Variants in AGBL1 observed in about 807,000 individuals in gnomAD.
AGBL1 encodes cytosolic carboxypeptidase 4.
In AGBL1, 130 loss-of-function variants were observed where a neutral mutation model predicts 118.9. That is an observed-to-expected ratio of 1.09 (90% CI 0.95 to 1.26). AGBL1 has a LOEUF of 1.26. AGBL1 is among the 50% of genes most tolerant of loss of function. AGBL1 has a pLI of 0.00. For synonymous variants in AGBL1, 555 were observed against 478.9 expected (o/e 1.16, Z -2.08); for missense variants, 1,584 against 1,298.1 (o/e 1.22, Z -3.38).
chr15:86,723,919 G>C (rs984904988), intron 22 of AGBL1, among the ~76,000 whole-genome samples: 1 of 152,020 alleles, frequency 6.6e-6, no homozygotes, highest in Admixed American at 6.6e-5. Flanking sequence ...GAGATTATGA[G>C]GGAGTAAGAT....
intron 22 of AGBL1, among the ~76,000 whole-genome samples, chr15:86,809,784 G>A (rs1456768900): frequency 2.0e-5 from 3 of 152,088 alleles, no homozygotes; most frequent in African/African-American, 4.8e-5. Context: ...TAGATCACAC[G>A]TTTTCAATGT....
chr15:86,202,547 T>C (rs2077924182), intron 5 of AGBL1, among the ~76,000 whole-genome samples: 1 of 152,218 alleles, frequency 6.6e-6, no homozygotes, highest in African/African-American at 2.4e-5. Flanking sequence ...AATAAGGACC[T>C]TGACATTGCA....
rs10531800 is a variant in AGBL1 at position 86,236,343 on chromosome 15, C to CT, written c.527-11309dup. Among the ~76,000 whole-genome samples the CT allele has an allele frequency of 4.5e-3, 650 of 143,658 alleles. 2 individuals are homozygous for CT. The highest frequency in any genetic ancestry group is 0.014 in the African/African-American group (546 of 38,942). The allele number at this position is 143,658 out of a possible 152,430, so 94.2% of individuals were successfully genotyped here. On this transcript the variant is annotated intron_variant, in intron 6 of 22. Coordinates refer to ENST00000614907, the MANE Select transcript of AGBL1 (RefSeq NM_001386094.1). ...TTCCAGATGTCCCTGGAAACTACTA[C>CT]TTTTTTTTTTTTTTTTTTTCCAGTA...
At chr15:86,291,637 A>T (rs1370984998) in intron 16 of AGBL1, among the ~76,000 whole-genome samples, 1 of 152,194 alleles carries the variant, frequency 6.6e-6, no homozygotes. Flanking sequence ...GTAACTCCTC[A>T]CTATGGAATT....
At chr15:86,828,497 T>G (rs2079062383) in intron 22 of AGBL1, among the ~76,000 whole-genome samples, 1 of 152,204 alleles carries the variant, frequency 6.6e-6, no homozygotes, top group South Asian at 2.1e-4. Flanking sequence ...AAGAAAGCAC[T>G]GTGGTGACAG....
intron 23 of AGBL1, among the ~76,000 whole-genome samples, chr15:86,959,837 C>T (rs973037570): frequency 6.6e-6 from 1 of 152,026 alleles, no homozygotes; most frequent in Non-Finnish European, 1.5e-5. Context: ...CTCTCCACTT[C>T]TCTATTTCCA....
intron 21 of AGBL1, among the ~76,000 whole-genome samples, chr15:86,638,950 C>A (rs915824535): frequency 6.6e-6 from 1 of 152,048 alleles, no homozygotes; most frequent in Non-Finnish European, 1.5e-5. Flanking sequence ...GAGTTCTCTC[C>A]GTGCTGGTAG....
At position 86,210,174 on chromosome 15, in the gene AGBL1, C is replaced by T. The variant is rs539568095; in HGVS notation, c.489-14740C>T. 8.1e-3 allele frequency among the ~76,000 whole-genome samples: 1,240 copies of T among 152,282 alleles called. 14 individuals are homozygous for T. The highest frequency in any genetic ancestry group is 0.028 in the African/African-American group (1,180 of 41,544). On this transcript the variant is annotated intron_variant, in intron 5 of 22. Coordinates refer to ENST00000614907, the MANE Select transcript of AGBL1 (RefSeq NM_001386094.1). ...CTCTTCTGGCTTGTAGAGTTTCTGC[C>T]AGGAGATCCGCTGTTAGTCTGATGG...
intron 17 of AGBL1, among the ~76,000 whole-genome samples, chr15:86,306,201 C>T (rs1462928197): frequency 6.6e-6 from 1 of 152,036 alleles, no homozygotes; most frequent in Admixed American, 6.6e-5. Flanking sequence ...TCAAAATATA[C>T]AATTAAGTTA....
intron 23 of AGBL1, among the ~76,000 whole-genome samples, chr15:86,974,806 A>G (rs2081156591): frequency 6.6e-6 from 1 of 151,618 alleles, no homozygotes; most frequent in South Asian, 2.1e-4. Flanking sequence ...TTAGTTGGGG[A>G]TATGGTGGAA....
intron 17 of AGBL1, among the ~76,000 whole-genome samples, chr15:86,391,254 C>T (rs1030993650): frequency 1.3e-5 from 2 of 151,926 alleles, no homozygotes; most frequent in Admixed American, 6.6e-5. Context: ...ATAGAAACAT[C>T]TTTTAATATT....
At position 86,367,631 on chromosome 15, in the gene AGBL1, G is replaced by A. The variant is rs577696747; in HGVS notation, c.2375-29735G>A. ...TTTCTTTTACCAGAAGAAAAGAGAT[G>A]CATGGTAGGGAGGAAGGCAGGAAAA... On this transcript the variant is annotated intron_variant, in intron 17 of 22. Transcript: ENST00000614907. 3.0e-4 allele frequency among the ~76,000 whole-genome samples: 45 copies of A among 152,126 alleles called. No individual in the cohort carries two copies. The South Asian group carries it at 7.3e-3, about 25-fold the overall frequency.
intron 18 of AGBL1, among the ~76,000 whole-genome samples, chr15:86,406,394 T>C (rs2081531496): frequency 6.6e-6 from 1 of 152,226 alleles, no homozygotes; most frequent in Non-Finnish European, 1.5e-5. Flanking sequence ...CTATGTGACT[T>C]CATTGTTTTC....
chr15:86,528,116 G>C (rs146964671), intron 19 of AGBL1, among the ~76,000 whole-genome samples: 1 of 152,138 alleles, frequency 6.6e-6, no homozygotes, highest in Non-Finnish European at 1.5e-5. Context: ...CAAGATGGCC[G>C]AATAGGAACA....
At chr15:87,028,303 A>G (rs2081754205) in intron 24 of AGBL1, among the ~76,000 whole-genome samples, 1 of 151,980 alleles carries the variant, frequency 6.6e-6, no homozygotes, top group Non-Finnish European at 1.5e-5. Flanking sequence ...GAGGCATTGT[A>G]TTTCCTGTTT....
rs950758158 is a variant in AGBL1 at position 86,467,719 on chromosome 15, A to C, written c.2556-55091A>C. ...CAGTATTTCAGGGCTTCCCTTGGCT[A>C]GGTAGGGAGTTCCCCAACCCCTTGC... On this transcript the variant is annotated intron_variant, in intron 18 of 22. Transcript: ENST00000614907. Among the ~76,000 whole-genome samples the C allele has an allele frequency of 2.0e-5, 3 of 152,140 alleles. No individual in the cohort carries two copies. In the East Asian group the frequency reaches 5.8e-4, roughly 29 times the overall value.
At chr15:86,689,966 C>T (rs2142598690) in intron 22 of AGBL1, among the ~76,000 whole-genome samples, 1 of 152,196 alleles carries the variant, frequency 6.6e-6, no homozygotes, top group Non-Finnish European at 1.5e-5. Flanking sequence ...TGCAAAAGCT[C>T]TTATTGCAAC....
chr15:86,155,087 C>G (rs2077170151), intron 4 of AGBL1, among the ~76,000 whole-genome samples: 1 of 152,166 alleles, frequency 6.6e-6, no homozygotes, highest in African/African-American at 2.4e-5. Context: ...TATTTATTTG[C>G]TATCTCTTGA....
chr15:86,285,912 C>A (rs2141739032), intron 16 of AGBL1, among the ~76,000 whole-genome samples: 1 of 152,232 alleles, frequency 6.6e-6, no homozygotes, highest in Middle Eastern at 3.4e-3. Flanking sequence ...TCTCTCATAG[C>A]TAATACTGCT....
Sources: gnomAD v4.1 joint callset for allele counts (sites outside exome capture counted in the v4.1 genomes callset) on GRCh38, gnomAD v4.1.1 for gene constraint, MANE v1.5 for transcripts, NCBI Gene and HGNC (gene_info 2026-07-23, HGNC 2026-07-21) for gene names.